Variants in GABRB2 observed in about 807,000 individuals in gnomAD.
GABRB2 encodes gamma-aminobutyric acid receptor subunit beta-2.
A neutral mutation model predicts 54.7 loss-of-function variants in GABRB2; 16 were observed. The ratio of observed to expected loss-of-function variants is 0.29; its 90% CI spans 0.20 to 0.44. The LOEUF (loss-of-function observed/expected upper bound fraction) is 0.44, where lower values mean the gene tolerates loss of function less well. Among genes scored for constraint, GABRB2 ranks in the 20% least tolerant of loss-of-function variants. GABRB2 has a pLI of 1.00. For missense variants in GABRB2, 355 were observed against 644.0 expected (o/e 0.55, Z 4.86); for synonymous variants, 244 against 233.8 (o/e 1.04, Z -0.40).
chr5:161,519,621 A>C (rs1247945322), intron 3 of GABRB2, among the ~76,000 whole-genome samples: 1 of 152,178 alleles, frequency 6.6e-6, no homozygotes, highest in African/African-American at 2.4e-5. Context: ...ATTGAGGATT[A>C]ATTAAAGCAT....
intron 4 of GABRB2, among the ~76,000 whole-genome samples, chr5:161,449,350 G>A (rs1480689563): frequency 1.3e-5 from 2 of 152,064 alleles, no homozygotes; most frequent in South Asian, 2.1e-4. Context: ...ATCCAATAAA[G>A]GTTACTACTA....
chr5:161,336,132 C>T (rs1229539293), intron 6 of GABRB2, among the ~76,000 whole-genome samples: 1 of 152,098 alleles, frequency 6.6e-6, no homozygotes, highest in East Asian at 1.9e-4. Flanking sequence ...ATCTTAACAC[C>T]TGAAACAGCT....
At chr5:161,512,858 T>A (rs891880493) in intron 3 of GABRB2, among the ~76,000 whole-genome samples, 4 of 151,182 alleles carry the variant, frequency 2.6e-5, no homozygotes, top group African/African-American at 9.7e-5. Context: ...ATTCATATGA[T>A]TAAACAAGCA....
chr5:161,323,319 G>A (rs975962778), intron 9 of GABRB2, among the ~76,000 whole-genome samples: 1 of 152,084 alleles, frequency 6.6e-6, no homozygotes, highest in Non-Finnish European at 1.5e-5. Context: ...CACCCGCCCA[G>A]CCAAAATATA....
Position 161,288,715 on chromosome 5 carries a change from A to G in GABRB2, c.*5366T>C, listed in dbSNP as rs1435681563. ...CATTATGTGCATATTAAGAAAGGCT[A>G]CAAGGTAATTAGTAAGGCTGATAAT... On this transcript the variant is annotated 3_prime_UTR_variant, in exon 10 of 10. Transcript: ENST00000393959. 6.6e-6 allele frequency: 1 copy of G among 152,598 alleles called. No homozygotes were observed. Among genetic ancestry groups the G allele is most frequent in the African/African-American group, 2.4e-5 (1 of 41,446 alleles). The allele number at this position is 152,598 out of a possible 1,614,324, so 9.5% of individuals were successfully genotyped here. A position where few individuals can be genotyped will look rare whatever the true frequency, so the allele number is the denominator to read the frequency against.
intron 9 of GABRB2, among the ~76,000 whole-genome samples, chr5:161,310,453 A>G (rs530831661): frequency 4.9e-4 from 75 of 152,358 alleles, no homozygotes; most frequent in African/African-American, 1.6e-3. Context: ...AGAACAAGAA[A>G]TCATTACCAA....
intron 5 of GABRB2, among the ~76,000 whole-genome samples, chr5:161,345,721 T>C (rs1019132305): frequency 6.6e-6 from 1 of 152,092 alleles, no homozygotes; most frequent in African/African-American, 2.4e-5. Context: ...TCTAGTTGAA[T>C]TTCTACTAGT....
At chr5:161,440,822 A>G (rs1200264046) in intron 4 of GABRB2, among the ~76,000 whole-genome samples, 1 of 152,194 alleles carries the variant, frequency 6.6e-6, no homozygotes, top group African/African-American at 2.4e-5. Flanking sequence ...CCACACACCT[A>G]CAGTGAACCC....
chr5:161,428,958 A>G lies in GABRB2; in HGVS notation c.459-17901T>C, dbSNP rs141953292. On this transcript the variant is annotated intron_variant, in intron 4 of 9. Transcript: ENST00000393959. ...TTGGCATGGAAAAAGCATTTCCACA[A>G]ATTTTATCTATAAATGTAAAATAAT... Among the ~76,000 whole-genome samples the G allele has an allele frequency of 2.3e-3, 354 of 152,134 alleles. 2 individuals carry two copies. In the East Asian group the frequency reaches 0.051, roughly 22 times the overall value.
intron 4 of GABRB2, among the ~76,000 whole-genome samples, chr5:161,430,908 T>C (rs561835898): frequency 6.6e-6 from 1 of 152,134 alleles, no homozygotes; most frequent in Non-Finnish European, 1.5e-5. Flanking sequence ...GACAAATTGC[T>C]TTTATAATTC....
chr5:161,512,221 A>G (rs761558015), intron 3 of GABRB2, among the ~76,000 whole-genome samples: 2 of 152,034 alleles, frequency 1.3e-5, no homozygotes, highest in Non-Finnish European at 1.5e-5. Flanking sequence ...ATTTGTTCAC[A>G]AAATTATTTT....
intron 5 of GABRB2, among the ~76,000 whole-genome samples, chr5:161,344,898 C>T (rs1034190383): frequency 6.6e-6 from 1 of 152,042 alleles, no homozygotes; most frequent in African/African-American, 2.4e-5. Context: ...TTTGCAGGGA[C>T]ATGGATGAAG....
intron 4 of GABRB2, among the ~76,000 whole-genome samples, chr5:161,436,386 A>G (rs1053591285): frequency 2.0e-5 from 3 of 152,066 alleles, no homozygotes; most frequent in African/African-American, 7.2e-5. Context: ...CAAAAAAATT[A>G]TCTGGGCATG....
intron 5 of GABRB2, among the ~76,000 whole-genome samples, chr5:161,346,958 T>C (rs1478852685): frequency 3.3e-5 from 5 of 152,060 alleles, no homozygotes; most frequent in Non-Finnish European, 5.9e-5. Flanking sequence ...ACTGAACTTG[T>C]GTTAGAAGAA....
chr5:161,539,506 A>C (rs1411445809), intron 3 of GABRB2, among the ~76,000 whole-genome samples: 1 of 152,232 alleles, frequency 6.6e-6, no homozygotes, highest in Non-Finnish European at 1.5e-5. Context: ...GAGCTACTAT[A>C]ACTAGCCAAG....
chr5:161,419,496 G>C (rs887900252), intron 4 of GABRB2, among the ~76,000 whole-genome samples: 1 of 152,134 alleles, frequency 6.6e-6, no homozygotes, highest in African/African-American at 2.4e-5. Context: ...ACGCCAAAAG[G>C]ATAACTGCTC....
rs776799573 is a variant in GABRB2 at position 161,546,572 on chromosome 5, C to A, written c.72G>T (p.Ala24=). ...SFPLIIAAVC[A]QSVNDPSNMS... ...GAAACGCTGGGCACACTTACCTCTG[C>A]GCACAGACAGCGGCGATTATTAAGG... Residue 24 remains alanine, a synonymous_variant, in exon 1 of 10, where the codon GCG becomes GCT. Transcript: ENST00000393959. The A allele has an allele frequency of 6.3e-7, 1 of 1,596,924 alleles. No homozygotes were observed. The highest frequency in any genetic ancestry group is 8.5e-7 in the Non-Finnish European group (1 of 1,170,554).
chr5:161,426,381 C>T (rs1021308183), intron 4 of GABRB2, among the ~76,000 whole-genome samples: 3 of 152,016 alleles, frequency 2.0e-5, no homozygotes, highest in Non-Finnish European at 2.9e-5. Context: ...TCTAAAGGGT[C>T]GACTGGGGGA....
At chr5:161,360,625 A>G (rs1199586043) in intron 5 of GABRB2, among the ~76,000 whole-genome samples, 1 of 152,200 alleles carries the variant, frequency 6.6e-6, no homozygotes, top group Non-Finnish European at 1.5e-5. Context: ...GTTTTTATGT[A>G]GAAATATTCC....
Sources: gnomAD v4.1 joint callset for allele counts (sites outside exome capture counted in the v4.1 genomes callset) on GRCh38, gnomAD v4.1.1 for gene constraint, MANE v1.5 for transcripts, NCBI Gene and HGNC (gene_info 2026-07-23, HGNC 2026-07-21) for gene names.